The following OPN3 variants were observed in gnomAD, a reference collection of about 807,000 sequenced individuals.
OPN3 encodes opsin-3.
In OPN3, 29 loss-of-function variants were observed where a neutral mutation model predicts 33.8. The observed-to-expected ratio is 0.86, with a 90% CI of 0.64 to 1.17. The LOEUF (loss-of-function observed/expected upper bound fraction) is 1.17, where lower values mean the gene tolerates loss of function less well. Ranked by LOEUF, OPN3 falls within the 50% of genes most tolerant of loss-of-function variation. The pLI is 0.00. For missense variants in OPN3, 437 were observed against 514.1 expected, an observed-to-expected ratio of 0.85 and a Z score of 1.45; for synonymous variants, 216 against 216.1, an observed-to-expected ratio of 1.00 and a Z score of 0.00.
chr1:241,639,591 A>C (rs1372153792), intron 1 of OPN3, among the ~76,000 whole-genome samples: 1 of 151,218 alleles, frequency 6.6e-6, no homozygotes, highest in East Asian at 1.9e-4. Flanking sequence ...ATAAGAAAGG[A>C]GGCGGGCCGG....
At chr1:241,599,556 C>G (rs1218355824) in intron 2 of OPN3, among the ~76,000 whole-genome samples, 2 of 152,038 alleles carry the variant, frequency 1.3e-5, no homozygotes, top group South Asian at 2.1e-4. Context: ...TACTACTATT[C>G]TGTGTGTGCA....
chr1:241,613,658 G>C lies in OPN3; in HGVS notation c.374-9079C>G, dbSNP rs1309174867. 2.0e-5 allele frequency among the ~76,000 whole-genome samples: 3 copies of C among 152,124 alleles called. No individual in the cohort carries two copies. The East Asian group carries it at 5.8e-4, about 29-fold the overall frequency. On this transcript the variant is annotated intron_variant, in intron 1 of 3. Transcript: ENST00000366554. ...TTTGAATAATATCTCTCAGCTGTTA[G>C]AATGAGTGATTTCCATTTGACCAAT...
chr1:241,633,668 G>T, intron 1 of OPN3: 1 of 933,446 alleles, frequency 1.1e-6, no homozygotes, highest in Non-Finnish European at 1.6e-6. Context: ...GAGAGTTAAA[G>T]ACAACATCTG....
At chr1:241,609,136 A>G (rs1400369748) in intron 1 of OPN3, among the ~76,000 whole-genome samples, 1 of 152,242 alleles carries the variant, frequency 6.6e-6, no homozygotes, top group Non-Finnish European at 1.5e-5. Context: ...ACATGAGCAG[A>G]TATGAGGAAG....
intron 2 of OPN3, among the ~76,000 whole-genome samples, chr1:241,601,752 G>A (rs1252143310): frequency 2.0e-5 from 3 of 151,764 alleles, no homozygotes; most frequent in Non-Finnish European, 2.9e-5. Flanking sequence ...GAAACAAAAC[G>A]AAACAAAAAA....
chr1:241,634,935 A>C, intron 1 of OPN3: 2 of 1,613,072 alleles, frequency 1.2e-6, no homozygotes, highest in South Asian at 1.1e-5. Context: ...GCTCTGGAAC[A>C]AGGAACTTGT....
At chr1:241,617,748 A>AT (rs1318527363) in intron 1 of OPN3, among the ~76,000 whole-genome samples, 3 of 152,262 alleles carry the variant, frequency 2.0e-5, no homozygotes, top group African/African-American at 7.2e-5. Flanking sequence ...CCTCAGGACC[A>AT]TATGAGAAGA....
In OPN3 at chr1:241,633,639, T is replaced by C. The variant is rs566438929; in HGVS notation, c.373+6243A>G. ...TCACTCATTGATAGGTTAACAAAGATATTCAATGCTGAATGTCTGAGAGTT... is the reference window on the plus strand; with the variant it reads ...TCACTCATTGATAGGTTAACAAAGACATTCAATGCTGAATGTCTGAGAGTT... On this transcript the variant is annotated intron_variant, in intron 1 of 3. Transcript: ENST00000366554. 6.8e-6 allele frequency: 5 copies of C among 740,082 alleles called. No individual in the cohort carries two copies. The South Asian group carries it at 7.2e-5, about 11-fold the overall frequency. The allele number at this position is 740,082 out of a possible 1,614,324, so 45.8% of individuals were successfully genotyped here.
At chr1:241,597,312 A>C (rs1663553243) in intron 3 of OPN3, among the ~76,000 whole-genome samples, 1 of 152,198 alleles carries the variant, frequency 6.6e-6, no homozygotes, top group Non-Finnish European at 1.5e-5. Context: ...TGGGCAAGTT[A>C]TTTAACTTCT....
chr1:241,604,264 C>A lies in OPN3; in HGVS notation c.689G>T (p.Arg230Leu). The A allele has an allele frequency of 1.2e-6, 2 of 1,613,056 alleles. No homozygotes were observed. The highest frequency in any genetic ancestry group is 1.7e-6 in the Non-Finnish European group (2 of 1,179,336). ...CATCTGTAGTCTTCAACTCACCATT[C>A]GAATGGAATATAGAATATGGCCATA... ...HCYGHILYSI[R>L]MLRCVEDLQT... The change falls in exon 2 of 4, where the codon CGA (arginine) becomes CTA (leucine). Residue 230 changes from arginine to leucine, a missense_variant. Physicochemically the swap from Arg to Leu is moderately radical, Grantham distance 102. Transcript: ENST00000366554.
intron 3 of OPN3, among the ~76,000 whole-genome samples, 157 bp downstream of exon 3, chr1:241,597,589 G>A (rs1051961415): frequency 6.7e-6 from 1 of 149,378 alleles, no homozygotes; most frequent in Admixed American, 6.7e-5. Flanking sequence ...ATTTTCTTTG[G>A]AAATATTCTA....
At chr1:241,598,095 A>C in intron 2 of OPN3, 98 bp from the exon 3 acceptor site, 4 of 1,348,782 alleles carry the variant, frequency 3.0e-6, no homozygotes, top group Non-Finnish European at 4.0e-6. Flanking sequence ...TCTTGGCCCC[A>C]CCTAAATGGA....
At chr1:241,624,617 G>T (rs750292786) in intron 1 of OPN3, among the ~76,000 whole-genome samples, 10 of 152,202 alleles carry the variant, frequency 6.6e-5, no homozygotes, top group Non-Finnish European at 1.5e-4. Flanking sequence ...CTTTCAGAGA[G>T]TTACTGAGCC....
At chr1:241,597,625 C>T in intron 3 of OPN3, 121 bp downstream of exon 3, 5 of 973,556 alleles carry the variant, frequency 5.1e-6, no homozygotes, top group South Asian at 4.8e-5. Context: ...CCTTTAATTC[C>T]TAAAAAATTC....
In OPN3 at chr1:241,639,913, GCAGCCCACGGTGTCCCACACC is replaced by G; in HGVS notation, c.321_341del (p.Trp107_Gly113del). 6.3e-7 allele frequency: 1 copy of G among 1,597,442 alleles called. No homozygotes were observed. The highest frequency in any genetic ancestry group is 8.5e-7 in the Non-Finnish European group (1 of 1,172,532). ...GGCTGCCGCTAAACCCGTCCCACAC[GCAGCCCACGGTGTCCCACACC>G]CAGCCGTTCCTCAGGCAGGACACGA... On this transcript the variant is annotated inframe_deletion, in exon 1 of 4. Coordinates refer to ENST00000366554, the MANE Select transcript of OPN3 (RefSeq NM_014322.3).
intron 2 of OPN3, among the ~76,000 whole-genome samples, chr1:241,599,467 T>C (rs1445539994): frequency 6.6e-6 from 1 of 152,092 alleles, no homozygotes; most frequent in Non-Finnish European, 1.5e-5. Flanking sequence ...GAAAGGTAAA[T>C]AATTTACCTT....
chr1:241,617,043 G>A (rs1390257729), intron 1 of OPN3, among the ~76,000 whole-genome samples: 1 of 152,024 alleles, frequency 6.6e-6, no homozygotes, highest in African/African-American at 2.4e-5. Flanking sequence ...TATTTCATAT[G>A]ATATTTTATA....
intron 1 of OPN3, among the ~76,000 whole-genome samples, chr1:241,624,446 G>A (rs1664357462): frequency 6.6e-6 from 1 of 152,162 alleles, no homozygotes; most frequent in South Asian, 2.1e-4. Context: ...TAAGGGCCAA[G>A]CAGAAACACC....
intron 1 of OPN3, among the ~76,000 whole-genome samples, chr1:241,611,439 G>C (rs1663990477): frequency 6.6e-6 from 1 of 150,570 alleles, no homozygotes; most frequent in African/African-American, 2.5e-5. Context: ...ATTTTCTGTG[G>C]GAAGCAGGTA....
Sources: gnomAD v4.1 joint callset for allele counts (sites outside exome capture counted in the v4.1 genomes callset) on GRCh38, gnomAD v4.1.1 for gene constraint, MANE v1.5 for transcripts, NCBI Gene and HGNC (gene_info 2026-07-23, HGNC 2026-07-21) for gene names.